The following MAPKAP1 variants were observed in gnomAD, a reference collection of about 807,000 sequenced individuals.
MAPKAP1 encodes target of rapamycin complex 2 subunit MAPKAP1.
A neutral mutation model predicts 65.7 loss-of-function variants in MAPKAP1; 20 were observed. The observed-to-expected ratio is 0.30, with a 90% CI of 0.21 to 0.44. The LOEUF is 0.44. Ranked by LOEUF, MAPKAP1 falls within the 20% of genes least tolerant of loss-of-function variation. The pLI, the probability that MAPKAP1 is intolerant of heterozygous loss-of-function variation, is 1.00. For synonymous variants in MAPKAP1, 222 were observed against 244.3 expected (o/e 0.91, Z 0.85); for missense variants, 423 against 648.0 (o/e 0.65, Z 3.77).
At chr9:125,623,793 C>A in intron 4 of MAPKAP1, among the ~76,000 whole-genome samples, 1 of 57,366 alleles carries the variant, frequency 1.7e-5, no homozygotes, top group African/African-American at 4.5e-5. Flanking sequence ...GCCGTGCCGT[C>A]CGGGAGGGAG....
chr9:125,640,020 C>T (rs1050639787), intron 4 of MAPKAP1, among the ~76,000 whole-genome samples: 2 of 152,290 alleles, frequency 1.3e-5, no homozygotes, highest in Middle Eastern at 3.4e-3. Flanking sequence ...ACATAGTACT[C>T]GCTAACTTCT....
intron 4 of MAPKAP1, among the ~76,000 whole-genome samples, chr9:125,589,717 C>T (rs1004845202): frequency 6.6e-6 from 1 of 152,230 alleles, no homozygotes; most frequent in African/African-American, 2.4e-5. Context: ...CACAACCCAG[C>T]ATCCATCATT....
At chr9:125,705,810 T>C (rs535159407) in intron 1 of MAPKAP1, among the ~76,000 whole-genome samples, 2 of 151,792 alleles carry the variant, frequency 1.3e-5, no homozygotes, top group South Asian at 2.1e-4. Context: ...CTAGGCAAGG[T>C]AGGGAGAATG....
chr9:125,616,109 G>A (rs529316944), intron 4 of MAPKAP1, among the ~76,000 whole-genome samples: 19 of 152,082 alleles, frequency 1.2e-4, no homozygotes, highest in Admixed American at 5.2e-4. Context: ...ATGACCAAGC[G>A]AGCATGACAA....
At chr9:125,512,573 T>C (rs1175460689) in intron 7 of MAPKAP1, among the ~76,000 whole-genome samples, 1 of 152,128 alleles carries the variant, frequency 6.6e-6, no homozygotes, top group African/African-American at 2.4e-5. Context: ...GGTTCGTATG[T>C]ATACATATTT....
intron 1 of MAPKAP1, among the ~76,000 whole-genome samples, chr9:125,683,881 T>C (rs1834896220): frequency 6.6e-6 from 1 of 152,226 alleles, no homozygotes. Context: ...TCACTACCTC[T>C]TCCCTCCCCA....
chr9:125,597,476 G>C (rs1023978054), intron 4 of MAPKAP1, among the ~76,000 whole-genome samples: 1 of 152,066 alleles, frequency 6.6e-6, no homozygotes, highest in Non-Finnish European at 1.5e-5. Flanking sequence ...CATATCAAGT[G>C]AGTTAGCTGA....
chr9:125,527,064 TTTTG>T (rs138342243), intron 7 of MAPKAP1, among the ~76,000 whole-genome samples: 73,844 of 151,018 alleles, frequency 0.49, 18,688 homozygotes, highest in East Asian at 0.66. Flanking sequence ...GTAGTGTTTT[TTTTG>T]TTTGTTTTTT....
intron 5 of MAPKAP1, chr9:125,565,418 G>T (rs539462935): frequency 1.8e-5 from 3 of 168,254 alleles, no homozygotes; most frequent in Admixed American, 1.3e-4. Context: ...ACACACTTAA[G>T]TATGATGACC....
intron 10 of MAPKAP1, among the ~76,000 whole-genome samples, chr9:125,453,994 A>G (rs2132950541): frequency 6.6e-6 from 1 of 152,358 alleles, no homozygotes; most frequent in African/African-American, 2.4e-5. Flanking sequence ...AGGTCTGCCC[A>G]ATATTCATTT....
intron 4 of MAPKAP1, among the ~76,000 whole-genome samples, chr9:125,602,639 T>C (rs1233949505): frequency 6.6e-6 from 1 of 152,144 alleles, no homozygotes; most frequent in African/African-American, 2.4e-5. Flanking sequence ...ACACAGCCCT[T>C]GCACACCCAC....
intron 4 of MAPKAP1, among the ~76,000 whole-genome samples, chr9:125,638,853 C>T (rs1391206508): frequency 1.3e-5 from 2 of 152,224 alleles, no homozygotes; most frequent in African/African-American, 2.4e-5. Context: ...GCAAAAGGAA[C>T]GATCACCACC....
chr9:125,625,255 T>TTAAAAAAAAAAAAAAAAAAAAAAAA (rs1564589549), intron 4 of MAPKAP1, among the ~76,000 whole-genome samples: 1 of 64,712 alleles, frequency 1.5e-5, no homozygotes, highest in African/African-American at 5.9e-5. Flanking sequence ...AATAAATAAA[T>TTAAAAAAAAAAAAAAAAAAAAAAAA]AAAAAAAAAA....
chr9:125,491,677 A>C (rs1205985411), intron 8 of MAPKAP1, among the ~76,000 whole-genome samples: 1 of 151,964 alleles, frequency 6.6e-6, no homozygotes, highest in Admixed American at 6.6e-5. Flanking sequence ...GCTACTGGGG[A>C]AGCCGAGGTG....
chr9:125,537,363 A>G (rs1412558495), intron 7 of MAPKAP1, among the ~76,000 whole-genome samples: 2 of 152,220 alleles, frequency 1.3e-5, no homozygotes, highest in African/African-American at 2.4e-5. Context: ...TGTTGTACAG[A>G]TTAAATGAGG....
chr9:125,667,226 C>T (rs1012730234), intron 3 of MAPKAP1, among the ~76,000 whole-genome samples: 8 of 152,076 alleles, frequency 5.3e-5, no homozygotes, highest in Non-Finnish European at 8.8e-5. Context: ...CAAATAAAAT[C>T]CTCTATTTAT....
chr9:125,663,526 C>T (rs1289214859), intron 3 of MAPKAP1, among the ~76,000 whole-genome samples: 1 of 152,182 alleles, frequency 6.6e-6, no homozygotes, highest in Non-Finnish European at 1.5e-5. Context: ...ATTATGTTTA[C>T]TGTTTATCTA....
At chr9:125,540,963 T>G (rs1830228436) in intron 7 of MAPKAP1, among the ~76,000 whole-genome samples, 2 of 152,192 alleles carry the variant, frequency 1.3e-5, no homozygotes, top group Non-Finnish European at 2.9e-5. Context: ...TTTACCAAAC[T>G]GGAGATCCTT....
intron 9 of MAPKAP1, among the ~76,000 whole-genome samples, chr9:125,477,015 A>C (rs1338535047): frequency 2.0e-5 from 3 of 152,214 alleles, no homozygotes; most frequent in Non-Finnish European, 2.9e-5. Context: ...GTGGTATTGT[A>C]CTTGATATTT....
Sources: allele counts gnomAD v4.1 joint callset (sites outside exome capture counted in the v4.1 genomes callset), GRCh38; gene constraint gnomAD v4.1.1; transcripts MANE v1.5; gene names NCBI Gene and HGNC (gene_info 2026-07-23, HGNC 2026-07-21).